Variants in ERBB4 observed in about 807,000 individuals in gnomAD.
The protein encoded by ERBB4 is erb-b2 receptor tyrosine kinase 4, also known as receptor tyrosine-protein kinase erbB-4.
A neutral mutation model predicts 158.0 loss-of-function variants in ERBB4; 42 were observed. That is an observed-to-expected ratio of 0.27 (90% CI 0.21 to 0.34). The LOEUF (loss-of-function observed/expected upper bound fraction) is 0.34, where lower values mean the gene tolerates loss of function less well. ERBB4 is among the 10% of genes least tolerant of loss of function. The probability of loss-of-function intolerance (pLI) is 1.00; values close to 1 mark genes in which losing one functional copy is unlikely to be tolerated. For synonymous variants in ERBB4, 583 were observed against 558.7 expected (o/e 1.04, Z -0.61); for missense variants, 1,333 against 1,624.1 (o/e 0.82, Z 3.08).
chr2:211,483,365 C>T lies in ERBB4; in HGVS notation c.2488-52265G>A, dbSNP rs546396422. Among the ~76,000 whole-genome samples the T allele has an allele frequency of 4.5e-4, 69 of 151,918 alleles. No individual in the cohort carries two copies. The South Asian group carries it at 4.6e-3, about 10-fold the overall frequency. On this transcript the variant is annotated intron_variant, in intron 20 of 27. Coordinates refer to ENST00000342788, the MANE Select transcript of ERBB4 (RefSeq NM_005235.3). ...CAGATCCAAGTAACATAATGAGCCC[C>T]AAGAAAAAGAAATATGAATTAAACT...
intron 1 of ERBB4, among the ~76,000 whole-genome samples, chr2:212,438,233 TTAGA>T (rs1257628723): frequency 6.6e-6 from 1 of 152,136 alleles, no homozygotes; most frequent in Non-Finnish European, 1.5e-5. Flanking sequence ...GGAGCCAGAC[TTAGA>T]TAGTACTCCT....
intron 1 of ERBB4, among the ~76,000 whole-genome samples, chr2:212,462,520 A>T (rs1688626362): frequency 1.3e-5 from 2 of 152,222 alleles, no homozygotes; most frequent in Non-Finnish European, 1.5e-5. Flanking sequence ...ATCACTACTT[A>T]TTAGATAAAT....
intron 2 of ERBB4, among the ~76,000 whole-genome samples, chr2:211,993,717 C>T (rs899715956): frequency 1.3e-5 from 2 of 150,750 alleles, no homozygotes; most frequent in Non-Finnish European, 2.9e-5. Context: ...TTATCTATTA[C>T]AGGCAGAATT....
intron 10 of ERBB4, 124 bp from the exon 11 acceptor site, chr2:211,704,318 T>C (rs770658299): frequency 7.0e-6 from 5 of 710,482 alleles, no homozygotes; most frequent in Non-Finnish European, 1.3e-5. Flanking sequence ...AGTGAACATT[T>C]CTATTTTTTA....
intron 4 of ERBB4, 124 bp from the exon 5 acceptor site, chr2:211,750,828 G>A: frequency 1.2e-6 from 1 of 846,982 alleles, no homozygotes; most frequent in Non-Finnish European, 2.0e-6. Context: ...TACTAGAGCT[G>A]AAACATAGCC....
chr2:211,580,079 CT>C (rs1199800495), intron 19 of ERBB4, among the ~76,000 whole-genome samples: 1 of 152,126 alleles, frequency 6.6e-6, no homozygotes, highest in African/African-American at 2.4e-5. Flanking sequence ...ACTGTTGGTG[CT>C]TTTTAAATAA....
At chr2:211,831,748 A>C (rs2105972069) in intron 3 of ERBB4, among the ~76,000 whole-genome samples, 1 of 152,140 alleles carries the variant, frequency 6.6e-6, no homozygotes, top group African/African-American at 2.4e-5. Flanking sequence ...CTAAAAATAC[A>C]AAAAATTAGC....
intron 3 of ERBB4, among the ~76,000 whole-genome samples, chr2:211,942,436 A>T (rs1264463522): frequency 1.3e-5 from 2 of 151,730 alleles, no homozygotes; most frequent in African/African-American, 2.4e-5. Flanking sequence ...AGCTCACTGC[A>T]GCCTCGACCT....
chr2:212,464,604 G>A (rs927391062), intron 1 of ERBB4, among the ~76,000 whole-genome samples: 2 of 151,962 alleles, frequency 1.3e-5, no homozygotes, highest in African/African-American at 4.8e-5. Flanking sequence ...CTAATTATAA[G>A]AGTACCAATG....
intron 19 of ERBB4, among the ~76,000 whole-genome samples, chr2:211,590,563 C>G (rs71422748): frequency 6.6e-6 from 1 of 151,862 alleles, no homozygotes; most frequent in African/African-American, 2.4e-5. Flanking sequence ...AGACAGGGAC[C>G]CCCCTCCCCA....
At chr2:211,809,660 T>C (rs2076703435) in intron 3 of ERBB4, among the ~76,000 whole-genome samples, 1 of 152,232 alleles carries the variant, frequency 6.6e-6, no homozygotes, top group African/African-American at 2.4e-5. Flanking sequence ...TCACTGATTT[T>C]TTTGAAGGGG....
At chr2:212,199,000 A>C (rs532721754) in intron 1 of ERBB4, among the ~76,000 whole-genome samples, 66 of 152,100 alleles carry the variant, frequency 4.3e-4, no homozygotes, top group African/African-American at 1.6e-3. Flanking sequence ...TCGAGTCTCC[A>C]CTTTCAATGC....
chr2:211,659,927 G>A (rs2071355905), intron 15 of ERBB4, among the ~76,000 whole-genome samples: 1 of 152,110 alleles, frequency 6.6e-6, no homozygotes, highest in Non-Finnish European at 1.5e-5. Context: ...AACCTAGAAG[G>A]GCATGATAAC....
chr2:212,003,083 GAA>G (rs5838292), intron 2 of ERBB4, among the ~76,000 whole-genome samples: 23 of 132,172 alleles, frequency 1.7e-4, no homozygotes, highest in African/African-American at 5.7e-4. Context: ...GAGAGAGAGA[GAA>G]AGAGAGACAG....
intron 1 of ERBB4, among the ~76,000 whole-genome samples, chr2:212,134,660 A>G (rs2125591542): frequency 6.6e-6 from 1 of 151,014 alleles, no homozygotes; most frequent in Admixed American, 6.6e-5. Context: ...GACTGCTGAA[A>G]TTAACTAAAC....
intron 1 of ERBB4, among the ~76,000 whole-genome samples, chr2:212,240,501 T>C (rs2084044474): frequency 6.6e-6 from 1 of 151,046 alleles, no homozygotes; most frequent in Non-Finnish European, 1.5e-5. Flanking sequence ...GGCGTGGTGG[T>C]GCACACCTGT....
At chr2:212,203,421 A>T (rs2082645038) in intron 1 of ERBB4, among the ~76,000 whole-genome samples, 1 of 152,200 alleles carries the variant, frequency 6.6e-6, no homozygotes, top group South Asian at 2.1e-4. Flanking sequence ...AAGGCAGAGT[A>T]ATAGGAGATG....
At chr2:212,342,066 C>A (rs1170621175) in intron 1 of ERBB4, among the ~76,000 whole-genome samples, 1 of 152,070 alleles carries the variant, frequency 6.6e-6, no homozygotes, top group African/African-American at 2.4e-5. Flanking sequence ...GGAGACCAAC[C>A]TGGGCAACAT....
chr2:212,389,045 T>G (rs1038778636), intron 1 of ERBB4, among the ~76,000 whole-genome samples: 2 of 152,092 alleles, frequency 1.3e-5, no homozygotes, highest in African/African-American at 4.8e-5. Flanking sequence ...AAAAAGTGTA[T>G]AGACTACAGG....
Sources: allele counts gnomAD v4.1 joint callset (sites outside exome capture counted in the v4.1 genomes callset), GRCh38; gene constraint gnomAD v4.1.1; transcripts MANE v1.5; gene names NCBI Gene and HGNC (gene_info 2026-07-23, HGNC 2026-07-21).